The following CUBN variants were observed in gnomAD, a reference collection of about 807,000 sequenced individuals.
CUBN encodes the protein 460 kDa receptor.
CUBN carries 282 observed loss-of-function variants against 405.3 expected under a neutral mutation model. That is an observed-to-expected ratio of 0.70 (90% CI 0.63 to 0.77). The LOEUF (loss-of-function observed/expected upper bound fraction) is 0.77. Ranked by LOEUF, CUBN falls within the 30% of genes least tolerant of loss-of-function variation. The pLI, the probability that CUBN is intolerant of heterozygous loss-of-function variation, is 0.00. For missense variants in CUBN, 4,514 were observed against 4,475.2 expected (o/e 1.01, Z -0.25); for synonymous variants, 1,684 against 1,617.0 (o/e 1.04, Z -0.99).
At chr10:16,955,421 T>C (rs372593644) in intron 31 of CUBN, among the ~76,000 whole-genome samples, 1 of 147,666 alleles carries the variant, frequency 6.8e-6, no homozygotes, top group East Asian at 2.0e-4. Flanking sequence ...AAATTACCTC[T>C]CTCTTTTTAA....
chr10:17,063,019 G>C (rs960560615), intron 22 of CUBN, among the ~76,000 whole-genome samples: 1 of 152,122 alleles, frequency 6.6e-6, no homozygotes, highest in African/African-American at 2.4e-5. Context: ...TCTGACTCTG[G>C]CTGCCTTCTA....
Position 17,045,981 on chromosome 10 carries a change from A to C in CUBN, c.3443T>G (p.Ile1148Arg). ...AGCTGAGAATCCAGACCTTGTGTCT[A>C]TTTGGTCACTCTTAAATTTTAACCA... ...KLWLKFKSDQ[I>R]DTRSGFSAYW... The change falls in exon 24 of 67, where the codon ATA becomes AGA. Residue 1148 changes from isoleucine (I) to arginine (R), a missense_variant. This residue lies in a region of CUBN where 1,448 missense variants were observed against 1,388.0 expected (regional missense o/e 1.04). Coordinates refer to ENST00000377833, the MANE Select transcript of CUBN (RefSeq NM_001081.4). 1 of 1,613,986 alleles carries C rather than the reference A, an allele frequency of 6.2e-7. No homozygotes were observed. The highest frequency in any genetic ancestry group is 8.5e-7 in the Non-Finnish European group (1 of 1,179,938).
chr10:17,041,099 A>C lies in CUBN; in HGVS notation c.3951T>G (p.Thr1317=), dbSNP rs1835007260. 1 of 1,613,462 alleles carries C rather than the reference A, an allele frequency of 6.2e-7. No individual in the cohort carries two copies. The highest frequency in any genetic ancestry group is 8.5e-7 in the Non-Finnish European group (1 of 1,179,720). ...CAAATGCTAAAAATGTGTAGTTCAC[A>C]GTGTTGCCTGTTGTTGCCCGGATGG... The part of the protein sequence containing the change: ...NWTIRATTGN[T]VNYTFLAFDL... The change falls in exon 27 of 67, where the codon ACT becomes ACG. Residue 1317 remains threonine, a synonymous_variant. Transcript: ENST00000377833.
rs953452931 is a variant in CUBN, at chr10:17,005,477, T to G, written c.4168+14356A>C. 2.3e-4 allele frequency among the ~76,000 whole-genome samples: 35 copies of G among 152,336 alleles called. 6 individuals carry two copies. The highest frequency in any genetic ancestry group is 1.4e-3 in the Admixed American group (22 of 15,298). On this transcript the variant is annotated intron_variant, in intron 28 of 66. Transcript: ENST00000377833. ...AATGGAGAATGCAGAGAATGTGTGG[T>G]CTAGCTGAAGGACTTGCTCTTTGCA...
Position 17,084,511 on chromosome 10 carries a change from C to G in CUBN, c.2111-50G>C, listed in dbSNP as rs1005535110. 4 of 1,533,956 alleles carry G rather than the reference C, an allele frequency of 2.6e-6. No individual in the cohort carries two copies. In the African/African-American group the frequency reaches 5.5e-5, roughly 21 times the overall value. ...GGTCATGGCAATGGCATTGCTCTGG[C>G]TTGCAGGCATTGGATCCAATTTCTA... On this transcript the variant is annotated intron_variant, in intron 16 of 66. Transcript: ENST00000377833.
At chr10:16,869,881 T>A in intron 58 of CUBN, 28 bp from the exon 59 acceptor site, 1 of 1,484,604 alleles carries the variant, frequency 6.7e-7, no homozygotes, top group Non-Finnish European at 9.4e-7. Flanking sequence ...TTAATACTGA[T>A]GTTTCCATTT....
chr10:16,946,987 G>A (rs894652233), intron 36 of CUBN, among the ~76,000 whole-genome samples: 3 of 152,098 alleles, frequency 2.0e-5, no homozygotes, highest in Admixed American at 6.5e-5. Context: ...ACATGAATGC[G>A]CCACAGATTC....
At chr10:16,901,903 A>ATCTATACACACCATATATAG (rs1841386691) in intron 51 of CUBN, among the ~76,000 whole-genome samples, 1 of 138,422 alleles carries the variant, frequency 7.2e-6, no homozygotes, top group Non-Finnish European at 1.5e-5. Flanking sequence ...ATATATATAT[A>ATCTATACACACCATATATAG]TATATATATA....
intron 43 of CUBN, 88 bp downstream of exon 43, chr10:16,925,153 A>T: frequency 1.0e-6 from 1 of 987,336 alleles, no homozygotes; most frequent in Non-Finnish European, 1.6e-6. Context: ...TAATTCTATT[A>T]CTGTTGGTTC....
chr10:17,092,697 C>T lies in CUBN; in HGVS notation c.1766-4352G>A, dbSNP rs142325564. Among the ~76,000 whole-genome samples, 190 of 152,218 alleles carry T rather than the reference C, an allele frequency of 1.2e-3. 3 individuals are homozygous for T. The East Asian group carries it at 0.031, about 25-fold the overall frequency. On this transcript the variant is annotated intron_variant, in intron 14 of 66. Transcript: ENST00000377833. ...ATGCCATGGTAACATCAGGAAGTTA[C>T]CCCACATGGTCTAAAAAGAAGAGGA...
intron 31 of CUBN, among the ~76,000 whole-genome samples, chr10:16,972,941 A>G (rs576243535): frequency 1.3e-5 from 2 of 152,136 alleles, no homozygotes; most frequent in African/African-American, 2.4e-5. Flanking sequence ...CAGACATGCT[A>G]CCATCTTTCT....
At chr10:16,990,789 G>A (rs1024044651) in intron 28 of CUBN, among the ~76,000 whole-genome samples, 8 of 151,610 alleles carry the variant, frequency 5.3e-5, no homozygotes, top group East Asian at 1.9e-4. Flanking sequence ...TCAAACCTTC[G>A]TACTTTAAAA....
At chr10:17,117,131 T>C (rs1836920572) in intron 6 of CUBN, among the ~76,000 whole-genome samples, 1 of 151,092 alleles carries the variant, frequency 6.6e-6, no homozygotes. Context: ...ATCCCCCCCA[T>C]AGACATTTAT....
intron 14 of CUBN, among the ~76,000 whole-genome samples, chr10:17,097,776 A>T (rs1294566122): frequency 2.0e-5 from 3 of 152,240 alleles, no homozygotes; most frequent in Non-Finnish European, 2.9e-5. Flanking sequence ...ACATATGATC[A>T]CCTGAATAGA....
At chr10:16,901,499 A>C (rs747337510) in intron 51 of CUBN, 40 bp from the exon 52 acceptor site, 1 of 1,608,768 alleles carries the variant, frequency 6.2e-7, no homozygotes, top group African/African-American at 1.3e-5. Flanking sequence ...AAACAGAAGT[A>C]AAAAAAAGAA....
chr10:16,830,441 AAATGTATTG>A (rs1838951145), intron 65 of CUBN, among the ~76,000 whole-genome samples: 1 of 152,348 alleles, frequency 6.6e-6, no homozygotes, highest in Non-Finnish European at 1.5e-5. Context: ...CTCTTGAATT[AAATGTATTG>A]ACATGACTTA....
chr10:16,935,892 A>AG (rs1462196910), intron 39 of CUBN, among the ~76,000 whole-genome samples: 1 of 150,986 alleles, frequency 6.6e-6, no homozygotes, highest in Non-Finnish European at 1.5e-5. Flanking sequence ...AAAAAAAAAA[A>AG]AAAAGAAAAA....
At chr10:16,902,761 GAGTGAA>G (rs1273090915) in intron 51 of CUBN, among the ~76,000 whole-genome samples, 6 of 152,184 alleles carry the variant, frequency 3.9e-5, no homozygotes, top group African/African-American at 1.4e-4. Context: ...AAAGTGAGAG[GAGTGAA>G]AGTGAAAGAG....
At chr10:16,987,634 A>G (rs1833462650) in intron 29 of CUBN, among the ~76,000 whole-genome samples, 1 of 152,194 alleles carries the variant, frequency 6.6e-6, no homozygotes, top group Non-Finnish European at 1.5e-5. Flanking sequence ...CCACTTGACT[A>G]CACTCACATG....
Sources: allele counts gnomAD v4.1 joint callset (sites outside exome capture counted in the v4.1 genomes callset), GRCh38; gene constraint gnomAD v4.1.1; regional missense constraint gnomAD v4.1.1; transcripts MANE v1.5; gene names NCBI Gene and HGNC (gene_info 2026-07-23, HGNC 2026-07-21).